FLVCR1: variants seen among roughly 807,000 people sequenced by gnomAD.
FLVCR1 encodes FLVCR choline and heme transporter 1.
Under a neutral mutation model 53.6 loss-of-function variants are expected in FLVCR1, and 34 were observed. The observed-to-expected ratio is 0.63, with a 90% confidence interval of 0.48 to 0.84. The LOEUF (loss-of-function observed/expected upper bound fraction) is 0.84. FLVCR1 is among the 40% of genes least tolerant of loss of function. The probability of loss-of-function intolerance (pLI) is 0.00; values close to 1 mark genes in which losing one functional copy is unlikely to be tolerated. For synonymous variants in FLVCR1, 300 were observed against 286.3 expected, an observed-to-expected ratio of 1.05 and a Z score of -0.48; for missense variants, 677 against 696.7, an observed-to-expected ratio of 0.97 and a Z score of 0.32.
intron 1 of FLVCR1, among the ~76,000 whole-genome samples, chr1:212,861,922 G>A (rs1171575154): frequency 3.3e-5 from 5 of 151,884 alleles, no homozygotes; most frequent in South Asian, 2.1e-4. Context: ...CCCCCACCTC[G>A]GCCTCCCAAA....
chr1:212,889,036 T>C (rs1665126488), intron 7 of FLVCR1, 110 bp from the exon 8 acceptor site: 1 of 855,780 alleles, frequency 1.2e-6, no homozygotes, highest in African/African-American at 1.7e-5. Flanking sequence ...CAATGAATGT[T>C]TCTAGAAACC....
At position 212,859,146 on chromosome 1, in the gene FLVCR1, A is replaced by T; in HGVS notation, c.694A>T (p.Lys232Ter). 6.2e-7 allele frequency: 1 copy of T among 1,613,982 alleles called. No individual in the cohort carries two copies. Among genetic ancestry groups the T allele is most frequent in the South Asian group, 1.1e-5 (1 of 91,068 alleles). Residue 232 changes from lysine (K) to a stop codon, truncating the protein, a stop_gained, in exon 1 of 10, where the codon AAA (lysine) becomes TAA (stop). Coordinates refer to ENST00000366971, the MANE Select transcript of FLVCR1 (RefSeq NM_014053.4). LOFTEE classifies it high-confidence loss of function. ...SRIASVWFGP[K>*]EVSTACATAV... ...CATCGCCTCAGTGTGGTTTGGGCCC[A>T]AAGAGGTGTCCACAGCTTGTGCCAC...
Position 212,895,279 on chromosome 1 carries a change from T to G in FLVCR1, c.1657T>G (p.Ser553Ala), listed in dbSNP as rs149887215. Residue 553 changes from serine (S) to alanine (A), a missense_variant, in exon 10 of 10, where the codon TCA becomes GCA. Ser to Ala is a moderately conservative substitution (Grantham distance 99, BLOSUM62 1). Transcript: ENST00000366971. ...GGTTATGTTGTCCAAGCAGTCAGAA[T>G]CAGCAATTTGAAGAGAAAGGCAAAG... The part of the protein sequence containing the change: ...KTVMLSKQSE[S>A]AI 238 of 1,613,098 alleles carry G rather than the reference T, an allele frequency of 1.5e-4. 2 individuals are homozygous for G. The African/African-American group carries it at 2.3e-3, about 15-fold the overall frequency.
chr1:212,873,110 C>T (rs1664652093), intron 3 of FLVCR1, among the ~76,000 whole-genome samples: 1 of 151,952 alleles, frequency 6.6e-6, no homozygotes, highest in South Asian at 2.1e-4. Flanking sequence ...AGTTGCATGT[C>T]AGGACTAGCA....
At chr1:212,868,457 A>G (rs1190641434) in intron 2 of FLVCR1, among the ~76,000 whole-genome samples, 2 of 152,204 alleles carry the variant, frequency 1.3e-5, no homozygotes, top group Non-Finnish European at 2.9e-5. Flanking sequence ...CTTGTTGCCC[A>G]GGCTGGAGTG....
intron 1 of FLVCR1, among the ~76,000 whole-genome samples, chr1:212,861,644 A>G (rs899003769): frequency 1.3e-5 from 2 of 151,852 alleles, no homozygotes; most frequent in Non-Finnish European, 2.9e-5. Context: ...TATTCTTTCT[A>G]TCTAGCTTTT....
chr1:212,892,684 A>T (rs1665224090), intron 8 of FLVCR1, among the ~76,000 whole-genome samples: 1 of 152,182 alleles, frequency 6.6e-6, no homozygotes, highest in Admixed American at 6.5e-5. Context: ...TGGATCAAGG[A>T]GTAATTTCAA....
Position 212,859,155 on chromosome 1 carries a change from T to G in FLVCR1, c.703T>G (p.Ser235Ala). The G allele has an allele frequency of 6.2e-7, 1 of 1,613,894 alleles. No individual in the cohort carries two copies. Among genetic ancestry groups the G allele is most frequent in the Non-Finnish European group, 8.5e-7 (1 of 1,180,006 alleles). Residue 235 changes from serine to alanine, a missense_variant, in exon 1 of 10, where the codon TCC (serine) becomes GCC (alanine). Physicochemically the swap from Ser to Ala is moderately conservative, Grantham distance 99. Coordinates refer to ENST00000366971, the MANE Select transcript of FLVCR1 (RefSeq NM_014053.4). ...AGTGTGGTTTGGGCCCAAAGAGGTG[T>G]CCACAGCTTGTGCCACCGCCGTGCT... is the stretch of plus-strand genomic sequence containing the variant. ...ASVWFGPKEV[S>A]TACATAVLGN...
intron 5 of FLVCR1, among the ~76,000 whole-genome samples, chr1:212,886,605 G>C (rs1442391489): frequency 6.6e-6 from 1 of 152,034 alleles, no homozygotes; most frequent in Non-Finnish European, 1.5e-5. Context: ...TTCGAGACCA[G>C]CTTGGGCAAC....
chr1:212,858,370 CAGG>C lies in FLVCR1; in HGVS notation c.-78_-76del. Reference sequence around the variant, plus strand: ...GGCCGAGGGGTTGGAGGTGGGGCCCCAGGAGGACCTCGGGCTGTGGGCCGGGAG... The same window carrying C: ...GGCCGAGGGGTTGGAGGTGGGGCCCCAGGACCTCGGGCTGTGGGCCGGGAG... On this transcript the variant is annotated 5_prime_UTR_variant, in exon 1 of 10. Coordinates refer to ENST00000366971, the MANE Select transcript of FLVCR1 (RefSeq NM_014053.4). The C allele has an allele frequency of 7.6e-7, 1 of 1,321,288 alleles. No individual in the cohort carries two copies. The highest frequency in any genetic ancestry group is 1.0e-6 in the Non-Finnish European group (1 of 1,002,392). The allele number at this position is 1,321,288 out of a possible 1,614,324, so 81.8% of individuals were successfully genotyped here.
In FLVCR1 at chr1:212,863,846, T is replaced by A. The variant is rs1572007688; in HGVS notation, c.860T>A (p.Leu287His). 3.1e-6 allele frequency: 5 copies of A among 1,613,360 alleles called. No individual in the cohort carries two copies. The highest frequency in any genetic ancestry group is 4.2e-6 in the Non-Finnish European group (5 of 1,179,408). ...MFYGTSAVAT[L>H]LFILTAIAFK... ...TATGGAACATCAGCTGTTGCCACAC[T>A]TTTATTTATTTTAACAGCAATTGGT... Residue 287 changes from leucine to histidine, a missense_variant, in exon 2 of 10, where the codon CTT (leucine) becomes CAT (histidine). Physicochemically the swap from Leu to His is moderately conservative, Grantham distance 99. Transcript: ENST00000366971.
At chr1:212,888,427 C>A in intron 6 of FLVCR1, 62 bp from the exon 7 acceptor site, 1 of 1,084,556 alleles carries the variant, frequency 9.2e-7, no homozygotes, top group Non-Finnish European at 1.4e-6. Flanking sequence ...AGAATGATTG[C>A]ATCAGTATGT....
At chr1:212,879,911 C>A (rs1385932691) in intron 3 of FLVCR1, among the ~76,000 whole-genome samples, 1 of 151,910 alleles carries the variant, frequency 6.6e-6, no homozygotes, top group Non-Finnish European at 1.5e-5. Context: ...TCCTTACTAT[C>A]CCAACTGTTG....
intron 2 of FLVCR1, among the ~76,000 whole-genome samples, chr1:212,872,174 G>T (rs1356778031): frequency 6.6e-6 from 1 of 151,848 alleles, no homozygotes; most frequent in Non-Finnish European, 1.5e-5. Context: ...GAGTGCAATG[G>T]CGCAGTCACA....
chr1:212,899,285 T>A lies in FLVCR1; in HGVS notation c.*3995T>A, dbSNP rs1027804250. ...CTTAAGTCATTACTCATGTTCTAAT[T>A]TTTGTTCTTTGTACTATTTATCTGT... On this transcript the variant is annotated 3_prime_UTR_variant, in exon 10 of 10. Coordinates refer to ENST00000366971, the MANE Select transcript of FLVCR1 (RefSeq NM_014053.4). 1 of 152,248 alleles carries A rather than the reference T, an allele frequency of 6.6e-6. No homozygotes were observed. The highest frequency in any genetic ancestry group is 6.5e-5 in the Admixed American group (1 of 15,284). 9.4% of individuals were successfully genotyped at this position (152,248 alleles called of 1,614,324 possible).
chr1:212,873,708 A>T (rs191610453), intron 3 of FLVCR1, among the ~76,000 whole-genome samples: 5 of 151,986 alleles, frequency 3.3e-5, no homozygotes, highest in Admixed American at 2.6e-4. Flanking sequence ...GAACACCAGC[A>T]CTCCCTATTT....
At chr1:212,871,856 A>T (rs1222884099) in intron 2 of FLVCR1, among the ~76,000 whole-genome samples, 2 of 152,112 alleles carry the variant, frequency 1.3e-5, no homozygotes, top group Non-Finnish European at 2.9e-5. Context: ...TAAAACTTAG[A>T]GTGTCAGACA....
chr1:212,870,244 G>C (rs919489104), intron 2 of FLVCR1: 1 of 152,164 alleles, frequency 6.6e-6, no homozygotes, highest in Admixed American at 6.6e-5. Flanking sequence ...AAAAAGAAAA[G>C]TATATTTTAG....
chr1:212,889,040 A>G, intron 7 of FLVCR1, 106 bp from the exon 8 acceptor site: 1 of 890,898 alleles, frequency 1.1e-6, no homozygotes. Context: ...GAATGTTTCT[A>G]GAAACCAAAT....
Sources: allele counts gnomAD v4.1 joint callset (sites outside exome capture counted in the v4.1 genomes callset), GRCh38; gene constraint gnomAD v4.1.1; transcripts MANE v1.5; gene names NCBI Gene and HGNC (gene_info 2026-07-23, HGNC 2026-07-21).